The following AKAP8L variants were observed in gnomAD, a reference collection of about 807,000 sequenced individuals.
AKAP8L encodes A-kinase anchoring protein 8 like, also known as A-kinase anchor protein 8-like.
A neutral mutation model predicts 77.5 loss-of-function variants in AKAP8L; 34 were observed. That is an observed-to-expected ratio of 0.44 (90% confidence interval 0.33 to 0.58). The LOEUF is 0.58. AKAP8L is among the 20% of genes least tolerant of loss of function. The pLI, the probability that AKAP8L is intolerant of heterozygous loss-of-function variation, is 0.02. For synonymous variants in AKAP8L, 342 were observed against 340.7 expected, an observed-to-expected ratio of 1.00 and a Z score of -0.04; for missense variants, 806 against 887.6, an observed-to-expected ratio of 0.91 and a Z score of 1.17.
Position 15,398,775 on chromosome 19 carries a change from A to G in AKAP8L, c.1157+527T>C. 1.0e-6 allele frequency: 1 copy of G among 995,920 alleles called. No homozygotes were observed. Among genetic ancestry groups the G allele is most frequent in the South Asian group, 4.5e-5 (1 of 22,280 alleles). 61.7% of individuals were successfully genotyped at this position (995,920 alleles called of 1,614,324 possible). The stretch of plus-strand genomic sequence containing the variant: ...GCGCCAGTGCGGGAGCCCTGAGGGC[A>G]GACAGACCCGACCAAGGGGCGTGAA... On this transcript the variant is annotated intron_variant, in intron 9 of 13. Transcript: ENST00000397410. The surrounding 1 kb of genome is among the most constrained non-coding windows in gnomAD (Gnocchi z 9.2).
intron 12 of AKAP8L, among the ~76,000 whole-genome samples, chr19:15,389,586 G>A (rs1312532312): frequency 6.6e-6 from 1 of 151,886 alleles, no homozygotes; most frequent in Non-Finnish European, 1.5e-5. Flanking sequence ...TCCTGGCCAA[G>A]ATGGTGAAAC....
At position 15,401,705 on chromosome 19, in the gene AKAP8L, T is replaced by A; in HGVS notation, c.363-102A>T. 2 of 927,072 alleles carry A rather than the reference T, an allele frequency of 2.2e-6. No homozygotes were observed. Among genetic ancestry groups the A allele is most frequent in the Non-Finnish European group, 3.2e-6 (2 of 632,168 alleles). The allele number at this position is 927,072 out of a possible 1,614,324, so 57.4% of individuals were successfully genotyped here. ...CAATCTCCCAGTCCAGCACCCACCCTGCCCTGGTTGGGAGGCTCAATGTTC... is the reference window on the plus strand; with the variant it reads ...CAATCTCCCAGTCCAGCACCCACCCAGCCCTGGTTGGGAGGCTCAATGTTC... On this transcript the variant is annotated intron_variant, in intron 4 of 13. Coordinates refer to ENST00000397410, the MANE Select transcript of AKAP8L (RefSeq NM_014371.4). This position sits in a 1 kb window ranked among gnomAD's most constrained non-coding sequence, Gnocchi z 6.2.
At position 15,415,682 on chromosome 19, in the gene AKAP8L, C is replaced by T. The variant is rs537131473; in HGVS notation, c.13+3229G>A. 5.2e-3 allele frequency among the ~76,000 whole-genome samples: 788 copies of T among 152,098 alleles called. 13 individuals carry two copies. Among genetic ancestry groups the T allele is most frequent in the South Asian group, 0.011 (54 of 4,814 alleles). On this transcript the variant is annotated intron_variant, in intron 1 of 13. Coordinates refer to ENST00000397410, the MANE Select transcript of AKAP8L (RefSeq NM_014371.4). ...AGGGCGGATCACAAGGTCAGGAGAT[C>T]AAGACCATCCTGGCTAACAAGGTGA...
rs1967935372 is a variant in AKAP8L, at chr19:15,403,339, C to G, written c.362+136G>C. ...GTCAGAGACGGGAAGTGCAACGGAC[C>G]CTGCTGGGAGCCACAGCAGCACCAA... On this transcript the variant is annotated intron_variant, in intron 4 of 13. Coordinates refer to ENST00000397410, the MANE Select transcript of AKAP8L (RefSeq NM_014371.4). The surrounding 1 kb of genome is among the most constrained non-coding windows in gnomAD (Gnocchi z 4.3). 3.7e-6 allele frequency: 3 copies of G among 802,336 alleles called. 1 individual carries two copies. The highest frequency in any genetic ancestry group is 6.1e-6 in the Non-Finnish European group (3 of 488,730). The allele number at this position is 802,336 out of a possible 1,614,324, so 49.7% of individuals were successfully genotyped here.
chr19:15,380,071 G>C lies in AKAP8L; in HGVS notation c.*51C>G. On this transcript the variant is annotated 3_prime_UTR_variant, in exon 14 of 14. Transcript: ENST00000397410. ...GAGGTGGGATGGGAAAACTTTATTA[G>C]GTTTGGTTTCCAGCTTCGGCCACGC... The C allele has an allele frequency of 1.4e-6, 2 of 1,431,242 alleles. No homozygotes were observed. Among genetic ancestry groups the C allele is most frequent in the Non-Finnish European group, 9.1e-7 (1 of 1,103,062 alleles). The allele number at this position is 1,431,242 out of a possible 1,614,324, so 88.7% of individuals were successfully genotyped here.
chr19:15,392,049 G>A (rs965663214), intron 12 of AKAP8L, among the ~76,000 whole-genome samples: 4 of 152,128 alleles, frequency 2.6e-5, no homozygotes, highest in Non-Finnish European at 4.4e-5. Flanking sequence ...GCCCATGCTG[G>A]TCTCAAACTC....
At position 15,380,093 on chromosome 19, in the gene AKAP8L, A is replaced by ACG; in HGVS notation, c.*27_*28dup. On this transcript the variant is annotated 3_prime_UTR_variant, in exon 14 of 14. Transcript: ENST00000397410. ...TTAGGTTTGGTTTCCAGCTTCGGCC[A>ACG]CGCGGGCTCCGCCCGCCCCGAGCTC... is the stretch of plus-strand genomic sequence containing the variant. 1.4e-6 allele frequency: 2 copies of ACG among 1,428,276 alleles called. No individual in the cohort carries two copies. Among genetic ancestry groups the ACG allele is most frequent in the South Asian group, 2.7e-5 (2 of 74,110 alleles). 88.5% of individuals were successfully genotyped at this position (1,428,276 alleles called of 1,614,324 possible).
chr19:15,413,815 C>CCA (rs1312849744), intron 1 of AKAP8L, among the ~76,000 whole-genome samples: 6 of 152,192 alleles, frequency 3.9e-5, no homozygotes, highest in Non-Finnish European at 8.8e-5. Context: ...TGACAGCCTA[C>CCA]CACACCCTCA....
intron 1 of AKAP8L, among the ~76,000 whole-genome samples, chr19:15,418,442 G>C (rs557531251): frequency 6.6e-6 from 1 of 152,194 alleles, no homozygotes; most frequent in Non-Finnish European, 1.5e-5. Flanking sequence ...TAGACAAAAG[G>C]GGGTGGTGGG....
At chr19:15,404,301 T>C (rs901719355) in intron 2 of AKAP8L, 12 of 480,286 alleles carry the variant, frequency 2.5e-5, no homozygotes, top group Non-Finnish European at 3.7e-5. Context: ...ACTTGGCTCC[T>C]ATACTCCTCC....
rs1967944208 is a variant in AKAP8L at position 15,403,682 on chromosome 19, C to T, written c.155G>A (p.Gly52Asp). The T allele has an allele frequency of 1.3e-6, 2 of 1,588,818 alleles. No individual in the cohort carries two copies. Among genetic ancestry groups the T allele is most frequent in the Non-Finnish European group, 1.7e-6 (2 of 1,167,512 alleles). ...CCCATAGTTGGTGGTGTTATCCTGG[C>T]CATAGCCATAGCCATAGCCATAGCC... is the stretch of plus-strand genomic sequence containing the variant. ...YEGYGYGYGY[G>D]QDNTTNYGYG... Residue 52 changes from glycine to aspartate, a missense_variant, in exon 4 of 14, where the codon GGC becomes GAC. By Grantham distance (94) the Gly-to-Asp change is moderately conservative. Coordinates refer to ENST00000397410, the MANE Select transcript of AKAP8L (RefSeq NM_014371.4). This position sits in a 1 kb window ranked among gnomAD's most constrained non-coding sequence, Gnocchi z 4.3.
intron 12 of AKAP8L, among the ~76,000 whole-genome samples, chr19:15,384,596 T>G (rs1340978000): frequency 6.6e-6 from 1 of 152,202 alleles, no homozygotes; most frequent in East Asian, 1.9e-4. Flanking sequence ...CCACCATGCC[T>G]GGCCCTCAAG....
At chr19:15,389,237 A>G (rs1210320883) in intron 12 of AKAP8L, among the ~76,000 whole-genome samples, 1 of 146,206 alleles carries the variant, frequency 6.8e-6, no homozygotes, top group African/African-American at 2.6e-5. Flanking sequence ...AAAAAAAAGA[A>G]AAAAAAAAAA....
intron 1 of AKAP8L, among the ~76,000 whole-genome samples, chr19:15,413,192 T>A (rs1331820090): frequency 1.3e-5 from 2 of 152,150 alleles, no homozygotes; most frequent in East Asian, 3.8e-4. Context: ...ACTCTGCAAT[T>A]CCCCCAGGTC....
In AKAP8L at chr19:15,418,957, C is replaced by G. The variant is rs1201012790; in HGVS notation, c.-34G>C. On this transcript the variant is annotated 5_prime_UTR_variant, in exon 1 of 14. Coordinates refer to ENST00000397410, the MANE Select transcript of AKAP8L (RefSeq NM_014371.4). ...GCAACACAACATCCGACGACGCCGG[C>G]TTCTGCTGCTCTGAACATCCGACGC... is the stretch of plus-strand genomic sequence containing the variant. The G allele has an allele frequency of 6.2e-7, 1 of 1,604,150 alleles. No homozygotes were observed. The highest frequency in any genetic ancestry group is 2.2e-5 in the East Asian group (1 of 44,826).
chr19:15,380,887 T>A, intron 12 of AKAP8L: 1 of 466,122 alleles, frequency 2.1e-6, no homozygotes, highest in Non-Finnish European at 3.9e-6. Flanking sequence ...CTGATTTGCT[T>A]ACAAAAAAGC....
intron 12 of AKAP8L, among the ~76,000 whole-genome samples, chr19:15,386,145 C>T (rs977948551): frequency 1.3e-5 from 2 of 151,826 alleles, no homozygotes; most frequent in Non-Finnish European, 2.9e-5. Flanking sequence ...CTCCTGACCT[C>T]GTGATCCGCC....
chr19:15,380,742 G>A, intron 12 of AKAP8L, 130 bp from the exon 13 acceptor site: 1 of 730,792 alleles, frequency 1.4e-6, no homozygotes, highest in Non-Finnish European at 2.3e-6. Context: ...ACCAACGGAG[G>A]GCCACTCCAC....
rs542302385 is a variant in AKAP8L, at chr19:15,394,894, G to A, written c.1536+2256C>T. ...TCTCTGTAAACCAATGACTTCTGGT[G>A]CCTTCTAAATATCTTTCATCATCCT... On this transcript the variant is annotated intron_variant, in intron 12 of 13. Coordinates refer to ENST00000397410, the MANE Select transcript of AKAP8L (RefSeq NM_014371.4). Among the ~76,000 whole-genome samples the A allele has an allele frequency of 2.0e-5, 3 of 151,592 alleles. No homozygotes were observed. The South Asian group carries it at 6.3e-4, about 32-fold the overall frequency.
Sources: allele counts gnomAD v4.1 joint callset (sites outside exome capture counted in the v4.1 genomes callset), GRCh38; gene constraint gnomAD v4.1.1; non-coding constraint Gnocchi (gnomAD v3.1); transcripts MANE v1.5; gene names NCBI Gene and HGNC (gene_info 2026-07-23, HGNC 2026-07-21).